LTBP1: variants seen among roughly 807,000 people sequenced by gnomAD.
The protein encoded by LTBP1 is latent transforming growth factor beta binding protein 1.
A neutral mutation model predicts 207.6 loss-of-function variants in LTBP1; 129 were observed. The ratio of observed to expected loss-of-function variants is 0.62; its 90% CI spans 0.54 to 0.72. The LOEUF (loss-of-function observed/expected upper bound fraction) is 0.72. Ranked by LOEUF, LTBP1 falls within the 30% of genes least tolerant of loss-of-function variation. The pLI is 0.00. For missense variants in LTBP1, 2,281 were observed against 2,217.2 expected (o/e 1.03, Z -0.58); for synonymous variants, 963 against 833.7 (o/e 1.16, Z -2.67).
intron 3 of LTBP1, among the ~76,000 whole-genome samples, chr2:33,035,339 C>T (rs1278469123): frequency 6.6e-6 from 1 of 152,122 alleles, no homozygotes; most frequent in East Asian, 1.9e-4. Context: ...GTAAGCAAAA[C>T]TGCGTAGAGT....
At chr2:33,259,717 T>C (rs1394905423) in intron 13 of LTBP1, 107 bp downstream of exon 13, 23 of 1,031,534 alleles carry the variant, frequency 2.2e-5, no homozygotes, top group Non-Finnish European at 3.1e-5. Context: ...ATCTCTATTA[T>C]GCATCATTTG....
intron 31 of LTBP1, among the ~76,000 whole-genome samples, chr2:33,366,750 AG>A (rs2094993380): frequency 6.6e-6 from 1 of 152,188 alleles, no homozygotes; most frequent in Non-Finnish European, 1.5e-5. Context: ...TAGGTAGAGC[AG>A]GGGGTAATTA....
chr2:33,112,992 T>C (rs1378020912), intron 4 of LTBP1, among the ~76,000 whole-genome samples: 1 of 152,218 alleles, frequency 6.6e-6, no homozygotes, highest in Non-Finnish European at 1.5e-5. Flanking sequence ...CAGAAGCTGA[T>C]AGCTCTGATT....
chr2:33,056,518 G>A, intron 3 of LTBP1: 1 of 673,704 alleles, frequency 1.5e-6, no homozygotes, highest in Non-Finnish European at 2.4e-6. Flanking sequence ...CTTCGTGGTT[G>A]CAAAAATGTG....
chr2:32,977,161 C>T lies in LTBP1; in HGVS notation c.565+28216C>T, dbSNP rs538499662. Among the ~76,000 whole-genome samples, 180 of 152,266 alleles carry T rather than the reference C, an allele frequency of 1.2e-3. 1 individual carries two copies. Among genetic ancestry groups the T allele is most frequent in the Non-Finnish European group, 1.9e-3 (132 of 67,996 alleles). Reference sequence around the variant, plus strand: ...TAGCAGGCATGGCCTGCCTGGCTACCGGCTTTGGGGGTGGGTGGAGTGGCC... The same window carrying T: ...TAGCAGGCATGGCCTGCCTGGCTACTGGCTTTGGGGGTGGGTGGAGTGGCC... On this transcript the variant is annotated intron_variant, in intron 2 of 33. Transcript: ENST00000404816.
intron 22 of LTBP1, among the ~76,000 whole-genome samples, chr2:33,305,288 C>T (rs1021392707): frequency 2.0e-5 from 3 of 152,164 alleles, no homozygotes; most frequent in African/African-American, 7.2e-5. Context: ...CACGCCATTG[C>T]ACTCCAGCCT....
intron 24 of LTBP1, among the ~76,000 whole-genome samples, chr2:33,327,640 A>G (rs924204106): frequency 1.6e-4 from 25 of 152,212 alleles, no homozygotes; most frequent in African/African-American, 5.8e-4. Flanking sequence ...ATGTCTTCCA[A>G]TAAGCAGATA....
intron 3 of LTBP1, among the ~76,000 whole-genome samples, chr2:33,091,227 C>T (rs1000614172): frequency 2.6e-5 from 4 of 152,116 alleles, no homozygotes; most frequent in Admixed American, 2.6e-4. Context: ...GGGAGTGTGT[C>T]ATCTCCTCCC....
intron 2 of LTBP1, among the ~76,000 whole-genome samples, chr2:32,957,570 A>AT (rs1435556343): frequency 6.6e-6 from 1 of 152,182 alleles, no homozygotes; most frequent in Non-Finnish European, 1.5e-5. Flanking sequence ...CCCCAAAACA[A>AT]TTACAATGGT....
chr2:33,336,045 A>G (rs1220835716), intron 24 of LTBP1, among the ~76,000 whole-genome samples: 1 of 152,154 alleles, frequency 6.6e-6, no homozygotes, highest in Non-Finnish European at 1.5e-5. Context: ...CTCCTACAAA[A>G]ATATCCTCTT....
In LTBP1 at chr2:33,301,574, C is replaced by A. The variant is rs1435124008; in HGVS notation, c.3411C>A (p.Asn1137Lys). 6.2e-7 allele frequency: 1 copy of A among 1,613,222 alleles called. No individual in the cohort carries two copies. The highest frequency in any genetic ancestry group is 1.7e-5 in the Admixed American group (1 of 59,822). The change falls in exon 22 of 34, where the codon AAC (asparagine) becomes AAA (lysine). Residue 1137 changes from asparagine to lysine, a missense_variant. Transcript: ENST00000404816. The part of the protein sequence containing the change: ...RHLCAHGQCR[N>K]TEGSFQCVCD... ...TCTGTGCTCATGGGCAGTGCAGGAA[C>A]ACTGAGGGCTCTTTTCAATGTGTGT...
At chr2:33,277,829 CT>C (rs199950784) in intron 18 of LTBP1, among the ~76,000 whole-genome samples, 30,484 of 79,318 alleles carry the variant, frequency 0.38, 4,967 homozygotes, top group Non-Finnish European at 0.41. Context: ...TTCTTTCTTT[CT>C]TTTTTTTTTT....
At chr2:33,220,092 G>A (rs979347111) in intron 8 of LTBP1, among the ~76,000 whole-genome samples, 1 of 152,148 alleles carries the variant, frequency 6.6e-6, no homozygotes, top group African/African-American at 2.4e-5. Flanking sequence ...TGAAGAGACT[G>A]CCTTCACTTC....
chr2:33,085,161 A>C (rs219103), intron 3 of LTBP1, among the ~76,000 whole-genome samples: 75,101 of 151,904 alleles, frequency 0.49, 21,033 homozygotes, highest in East Asian at 0.66. Context: ...AGAAGCTGGA[A>C]GAGGCAAGGG....
intron 3 of LTBP1, among the ~76,000 whole-genome samples, chr2:33,049,316 A>T (rs1481592484): frequency 2.0e-5 from 3 of 152,258 alleles, no homozygotes; most frequent in African/African-American, 7.2e-5. Context: ...GGAAAATGGA[A>T]AGTTACTAAT....
intron 3 of LTBP1, among the ~76,000 whole-genome samples, chr2:33,106,707 T>C (rs964590806): frequency 6.6e-6 from 1 of 152,096 alleles, no homozygotes; most frequent in African/African-American, 2.4e-5. Context: ...ATCCAGGCTA[T>C]GTTGTTGTAG....
rs180762885 is a variant in LTBP1, at chr2:33,002,693, T to A, written c.566-18216T>A. ...GTTTTGTTTTGTTTTCTTTTTTTTT[T>A]AAAAAAAGGGGTCTCACCCTGTCGC... On this transcript the variant is annotated intron_variant, in intron 2 of 33. Transcript: ENST00000404816. Among the ~76,000 whole-genome samples the A allele has an allele frequency of 9.2e-3, 1,388 of 151,678 alleles. 12 individuals carry two copies. The highest frequency in any genetic ancestry group is 0.021 in the African/African-American group (869 of 41,372).
rs527930706 is a variant in LTBP1 at position 33,074,601 on chromosome 2, G to A, written c.864-35981G>A. 2.8e-4 allele frequency among the ~76,000 whole-genome samples: 42 copies of A among 152,278 alleles called. 1 individual carries two copies. The South Asian group carries it at 8.5e-3, about 31-fold the overall frequency. On this transcript the variant is annotated intron_variant, in intron 3 of 33. Transcript: ENST00000404816. ...TACAAAAATTAGGGCTGGGCACAGT[G>A]GCTCACGCCTGTAATTCCAGCACTT...
At position 33,365,626 on chromosome 2, in the gene LTBP1, C is replaced by CGTGTGTGTGTGTGTTTGTGT. The variant is rs1553518256; in HGVS notation, c.4711+137_4711+138insTTGTGTGTGTGTGTGTGTGT. 3 of 641,028 alleles carry CGTGTGTGTGTGTGTTTGTGT rather than the reference C, an allele frequency of 4.7e-6. No homozygotes were observed. The African/African-American group carries it at 5.8e-5, about 12-fold the overall frequency. 39.7% of individuals were successfully genotyped at this position (641,028 alleles called of 1,614,324 possible). On this transcript the variant is annotated intron_variant, in intron 31 of 33. Transcript: ENST00000404816. ...CACTCCTGATATCTTACTTTCATCC[C>CGTGTGTGTGTGTGTTTGTGT]GTGTGTGTGTGTGTGTGTGTGTGTA...
Sources: allele counts gnomAD v4.1 joint callset (sites outside exome capture counted in the v4.1 genomes callset), GRCh38; gene constraint gnomAD v4.1.1; transcripts MANE v1.5; gene names NCBI Gene and HGNC (gene_info 2026-07-23, HGNC 2026-07-21).